The following PAK4 variants were observed in gnomAD, a reference collection of about 807,000 sequenced individuals.
The protein encoded by PAK4 is p21 (RAC1) activated kinase 4, also known as serine/threonine-protein kinase PAK 4.
A neutral mutation model predicts 53.5 loss-of-function variants in PAK4; 49 were observed. The observed-to-expected ratio is 0.92, with a 90% CI of 0.73 to 1.16. The LOEUF (loss-of-function observed/expected upper bound fraction) is 1.16, where lower values mean the gene tolerates loss of function less well. Among genes scored for constraint, PAK4 ranks in the 50% most tolerant of loss-of-function variants. The pLI is 0.00. For missense variants in PAK4, 824 were observed against 850.7 expected, an observed-to-expected ratio of 0.97 and a Z score of 0.39; for synonymous variants, 376 against 375.6, an observed-to-expected ratio of 1.00 and a Z score of -0.01.
At chr19:39,174,797 A>G (rs891269800) in intron 4 of PAK4, 134 bp from the exon 6 acceptor site, 1 of 962,128 alleles carries the variant, frequency 1.0e-6, no homozygotes, top group Non-Finnish European at 1.5e-6. Flanking sequence ...GCAGTAGGGG[A>G]GGGCAGTCCA....
At chr19:39,155,584 T>C (rs2074165925) in intron 1 of PAK4, among the ~76,000 whole-genome samples, 2 of 152,172 alleles carry the variant, frequency 1.3e-5, no homozygotes, top group South Asian at 4.1e-4. Flanking sequence ...CTGCGAGCTC[T>C]GCCTCGGGCC....
downstream of PAK4, chr19:39,180,318 GA>G (rs112621745): frequency 9.7e-4 from 140 of 143,864 alleles, no homozygotes; most frequent in South Asian, 5.7e-3. Context: ...TGCCTTTCTG[GA>G]AAAAAAAAAA....
rs150285420 is a variant in PAK4, at chr19:39,142,216, T to C, written c.-23+16297T>C. ...GACCTAGGCCATTTGTCCTGGAGTT[T>C]TGCAGTCTGGGGCCAGCTGATACAT... On this transcript the variant is annotated intron_variant, in intron 1 of 8. Transcript: ENST00000358301. Among the ~76,000 whole-genome samples, 768 of 152,336 alleles carry C rather than the reference T, an allele frequency of 5.0e-3. 6 individuals carry two copies. In the Middle Eastern group the frequency reaches 0.051, roughly 10 times the overall value.
chr19:39,143,592 C>CAAAAAAAAAAAAAA lies in PAK4; in HGVS notation c.-23+17691_-23+17704dup, dbSNP rs544304301. Among the ~76,000 whole-genome samples the CAAAAAAAAAAAAAA allele has an allele frequency of 5.4e-4, 11 of 20,440 alleles. 1 individual carries two copies. Among genetic ancestry groups the CAAAAAAAAAAAAAA allele is most frequent in the Non-Finnish European group, 9.8e-4 (11 of 11,214 alleles). The allele number at this position is 20,440 out of a possible 152,430, so 13.4% of individuals were successfully genotyped here. On this transcript the variant is annotated intron_variant, in intron 1 of 8. Coordinates refer to ENST00000358301, the Ensembl canonical transcript of PAK4. ...TGGGTGACAGAGCAAGACTCTGTCT[C>CAAAAAAAAAAAAAA]AAAAAAAAAAAAAAAAAAAAAAAAA...
chr19:39,161,181 C>T lies in PAK4; in HGVS notation c.-22-8351C>T, dbSNP rs560900712. ...ACGAAGGGGAGCCCTTGTGAGTCCA[C>T]GCCCTGCTGTAGGCACTGAAATGCA... On this transcript the variant is annotated intron_variant, in intron 1 of 8. Coordinates refer to ENST00000358301, the Ensembl canonical transcript of PAK4. This position sits in a 1 kb window ranked among gnomAD's most constrained non-coding sequence, Gnocchi z 4.5. Among the ~76,000 whole-genome samples, 12 of 152,364 alleles carry T rather than the reference C, an allele frequency of 7.9e-5. No individual in the cohort carries two copies. Among genetic ancestry groups the T allele is most frequent in the South Asian group, 2.1e-4 (1 of 4,834 alleles).
At chr19:39,172,774 C>T in intron 2 of PAK4, 144 bp from the exon 4 acceptor site, 1 of 728,036 alleles carries the variant, frequency 1.4e-6, no homozygotes, top group Non-Finnish European at 2.2e-6. Flanking sequence ...ACTGCCCATG[C>T]CATTGTCACT....
chr19:39,138,128 G>A (rs1365914032), intron 1 of PAK4, among the ~76,000 whole-genome samples: 1 of 151,966 alleles, frequency 6.6e-6, no homozygotes, highest in African/African-American at 2.4e-5. Flanking sequence ...GCAGGTACAC[G>A]CCACCACCCT....
Position 39,175,298 on chromosome 19 carries a change from AC to A in PAK4, c.1233-10del, listed in dbSNP as rs1190239022. 6.5e-7 allele frequency: 1 copy of A among 1,547,716 alleles called. No individual in the cohort carries two copies. Reference sequence around the variant, plus strand: ...CTGTCCAGCTGGCTGCTCACCCCCCACCCCACCCCGCAGGATGAACGAGGAG... The same window carrying A: ...CTGTCCAGCTGGCTGCTCACCCCCCACCCACCCCGCAGGATGAACGAGGAG... On this transcript the variant is annotated splice_polypyrimidine_tract_variant and intron_variant, in intron 5 of 8. Transcript: ENST00000358301. This position sits in a 1 kb window ranked among gnomAD's most constrained non-coding sequence, Gnocchi z 4.7.
rs372904973 is a variant in PAK4 at position 39,130,556 on chromosome 19, G to A, written c.-23+4637G>A. ...GGCCCTGAGGGTCGGAATGACCTCG[G>A]AATGGTCGAGGATCATCAGATAGGC... On this transcript the variant is annotated intron_variant, in intron 1 of 8. Transcript: ENST00000358301. Among the ~76,000 whole-genome samples the A allele has an allele frequency of 2.6e-4, 40 of 152,250 alleles. No individual in the cohort carries two copies. The South Asian group carries it at 8.3e-3, about 32-fold the overall frequency.
intron 1 of PAK4, among the ~76,000 whole-genome samples, chr19:39,155,929 C>T (rs542745775): frequency 3.3e-5 from 5 of 152,370 alleles, no homozygotes; most frequent in East Asian, 1.9e-4. Context: ...GGCCTTGTCA[C>T]GTTGAGCTGC....
intron 1 of PAK4, among the ~76,000 whole-genome samples, chr19:39,138,540 T>C (rs935347761): frequency 1.3e-5 from 2 of 152,178 alleles, no homozygotes; most frequent in Admixed American, 6.5e-5. Flanking sequence ...CCACCTCTTG[T>C]GGGGTTTTTC....
chr19:39,174,083 T>TC, intron 4 of PAK4, 73 bp downstream of exon 5: 1 of 809,128 alleles, frequency 1.2e-6, no homozygotes. Flanking sequence ...CCCTCCTCCC[T>TC]CCTCTCCCTG....
chr19:39,166,014 G>A (rs1042041482), intron 1 of PAK4, among the ~76,000 whole-genome samples: 4 of 152,228 alleles, frequency 2.6e-5, no homozygotes, highest in Non-Finnish European at 5.9e-5. Context: ...CTGGTATACA[G>A]TAGGTACTCA....
At chr19:39,165,805 C>T (rs986833697) in intron 1 of PAK4, among the ~76,000 whole-genome samples, 19 of 152,316 alleles carry the variant, frequency 1.2e-4, no homozygotes, top group Admixed American at 1.2e-3. Context: ...CGGGATTAGA[C>T]GCACAGCAGG....
In PAK4 at chr19:39,161,623, G is replaced by A. The variant is rs375571095; in HGVS notation, c.-22-7909G>A. ...GAGCCTGTGAACTCCTGAGTCAGGC[G>A]GTGGCCCTCCTGGGCTCAGAGACCC... On this transcript the variant is annotated intron_variant, in intron 1 of 8. Coordinates refer to ENST00000358301, the Ensembl canonical transcript of PAK4. The surrounding 1 kb of genome is among the most constrained non-coding windows in gnomAD (Gnocchi z 4.5). 5.7e-4 allele frequency among the ~76,000 whole-genome samples: 86 copies of A among 152,082 alleles called. 1 individual carries two copies. In the South Asian group the frequency reaches 0.016, roughly 28 times the overall value.
At position 39,175,455 on chromosome 19, in the gene PAK4, C is replaced by T. The variant is rs753583297; in HGVS notation, c.1359+17C>T. 10 of 1,576,542 alleles carry T rather than the reference C, an allele frequency of 6.3e-6. No individual in the cohort carries two copies. The African/African-American group carries it at 7.2e-5, about 11-fold the overall frequency. On this transcript the variant is annotated intron_variant, in intron 6 of 8. Coordinates refer to ENST00000358301, the Ensembl canonical transcript of PAK4. This position sits in a 1 kb window ranked among gnomAD's most constrained non-coding sequence, Gnocchi z 4.7. ...GATGGCAGGGTGAGGGGACGGGCGGCGGGGTACGGGGGCGGCAGGTTTCCG... is the reference window on the plus strand; with the variant it reads ...GATGGCAGGGTGAGGGGACGGGCGGTGGGGTACGGGGGCGGCAGGTTTCCG...
chr19:39,176,401 G>T (rs1300407587), intron 6 of PAK4, 189 bp from the exon 8 acceptor site: 3 of 716,188 alleles, frequency 4.2e-6, no homozygotes, highest in Non-Finnish European at 7.1e-6. Flanking sequence ...CTTGCCCGAG[G>T]GCCCCCACCA....
downstream of PAK4, chr19:39,182,706 C>T (rs886191428): frequency 6.6e-6 from 1 of 151,892 alleles, no homozygotes; most frequent in African/African-American, 2.4e-5. Context: ...GTAATCCCAG[C>T]TCCTCGGGTG....
intron 6 of PAK4, among the ~76,000 whole-genome samples, chr19:39,176,198 T>C (rs923820816): frequency 2.0e-5 from 3 of 152,336 alleles, no homozygotes; most frequent in African/African-American, 7.2e-5. Context: ...ACGGCCCTAG[T>C]GCAGGGCTAC....
Sources: gnomAD v4.1 joint callset for allele counts (sites outside exome capture counted in the v4.1 genomes callset) on GRCh38, gnomAD v4.1.1 for gene constraint, Gnocchi (gnomAD v3.1) non-coding constraint, MANE v1.5 for transcripts, NCBI Gene and HGNC (gene_info 2026-07-23, HGNC 2026-07-21) for gene names.